Variants in XPO7 observed in about 807,000 individuals in gnomAD.
XPO7 encodes exportin-7.
In XPO7, 21 loss-of-function variants were observed where a neutral mutation model predicts 144.3. The ratio of observed to expected loss-of-function variants is 0.15; its 90% CI spans 0.10 to 0.21. The LOEUF (loss-of-function observed/expected upper bound fraction) is 0.21. XPO7 is among the 10% of genes least tolerant of loss of function. The probability of loss-of-function intolerance (pLI) is 1.00; values close to 1 mark genes in which losing one functional copy is unlikely to be tolerated. For missense variants in XPO7, 808 were observed against 1,325.8 expected (o/e 0.61, Z 6.06); for synonymous variants, 580 against 499.6 (o/e 1.16, Z -2.15).
At chr8:21,992,161 C>T (rs1585476763) in intron 19 of XPO7, among the ~76,000 whole-genome samples, 187 bp downstream of exon 19, 1 of 152,162 alleles carries the variant, frequency 6.6e-6, no homozygotes, top group South Asian at 2.1e-4. Context: ...AATGTATTTA[C>T]TTAAGTAGTT....
chr8:21,968,765 A>G (rs1811962362), intron 2 of XPO7, among the ~76,000 whole-genome samples: 1 of 152,192 alleles, frequency 6.6e-6, no homozygotes, highest in Admixed American at 6.5e-5. Context: ...GTTTTATGGC[A>G]TTGTATATAA....
intron 8 of XPO7, 81 bp downstream of exon 8, chr8:21,977,924 T>G (rs1265781991): frequency 8.0e-7 from 1 of 1,257,096 alleles, no homozygotes; most frequent in African/African-American, 1.5e-5. Flanking sequence ...TTCGTTTTGT[T>G]TTATAAAATT....
At chr8:21,933,304 G>A (rs925067417) in intron 1 of XPO7, among the ~76,000 whole-genome samples, 1 of 151,998 alleles carries the variant, frequency 6.6e-6, no homozygotes, top group East Asian at 1.9e-4. Context: ...GTTTCACCAT[G>A]TTAGCCAGGA....
At position 21,999,320 on chromosome 8, in the gene XPO7, G is replaced by T. The variant is rs192229514; in HGVS notation, c.2643+15G>T. The T allele has an allele frequency of 4.3e-6, 7 of 1,611,652 alleles. No individual in the cohort carries two copies. In the East Asian group the frequency reaches 1.6e-4, roughly 36 times the overall value. On this transcript the variant is annotated intron_variant, in intron 23 of 27. Coordinates refer to ENST00000252512, the MANE Select transcript of XPO7 (RefSeq NM_015024.5). ...GTGATCTCTTGGTAAGCCTTACGCT[G>T]CATTGCCACAATCTTGTTCCTCATC...
At chr8:21,935,525 T>C (rs1396665612) in intron 1 of XPO7, among the ~76,000 whole-genome samples, 1 of 152,218 alleles carries the variant, frequency 6.6e-6, no homozygotes, top group Non-Finnish European at 1.5e-5. Flanking sequence ...ACAGATAGTC[T>C]TAACTCATAT....
intron 1 of XPO7, among the ~76,000 whole-genome samples, chr8:21,947,550 C>T (rs969012000): frequency 6.6e-6 from 1 of 152,136 alleles, no homozygotes; most frequent in African/African-American, 2.4e-5. Flanking sequence ...CATAGACACA[C>T]ATCATACACA....
At position 21,954,043 on chromosome 8, in the gene XPO7, G is replaced by C. The variant is rs551600655; in HGVS notation, c.19-12814G>C. Among the ~76,000 whole-genome samples the C allele has an allele frequency of 6.6e-5, 10 of 152,276 alleles. No individual in the cohort carries two copies. The South Asian group carries it at 1.9e-3, about 28-fold the overall frequency. ...ACTAGTAACATATAGAAAGAAGAGG[G>C]GGACTGGGGAAGATAATTCTCTGGG... On this transcript the variant is annotated intron_variant, in intron 1 of 27. Transcript: ENST00000252512.
chr8:21,961,968 T>C (rs1811739699), intron 1 of XPO7, among the ~76,000 whole-genome samples: 2 of 152,222 alleles, frequency 1.3e-5, no homozygotes. Flanking sequence ...CTGCCTCATT[T>C]TAGTCATTCT....
intron 1 of XPO7, among the ~76,000 whole-genome samples, chr8:21,950,741 T>A (rs971061518): frequency 6.6e-6 from 1 of 152,098 alleles, no homozygotes; most frequent in Non-Finnish European, 1.5e-5. Flanking sequence ...TTCCTTGAAT[T>A]AATTTGTATA....
chr8:21,968,986 G>C (rs1298058883), intron 2 of XPO7, among the ~76,000 whole-genome samples: 1 of 152,190 alleles, frequency 6.6e-6, no homozygotes, highest in African/African-American at 2.4e-5. Flanking sequence ...ATTGATAGCT[G>C]CGCTGATGGA....
chr8:21,937,000 C>T (rs907079891), intron 1 of XPO7, among the ~76,000 whole-genome samples: 5 of 152,310 alleles, frequency 3.3e-5, no homozygotes, highest in African/African-American at 1.2e-4. Flanking sequence ...AAAACTCACT[C>T]TGCCATCAAC....
At chr8:21,957,295 G>C (rs1462937914) in intron 1 of XPO7, among the ~76,000 whole-genome samples, 1 of 152,088 alleles carries the variant, frequency 6.6e-6, no homozygotes, top group Non-Finnish European at 1.5e-5. Flanking sequence ...CAGTTACTGA[G>C]AGGCATACAG....
At chr8:21,965,174 GA>G (rs545276796) in intron 1 of XPO7, among the ~76,000 whole-genome samples, 4 of 151,620 alleles carry the variant, frequency 2.6e-5, no homozygotes, top group Non-Finnish European at 5.9e-5. Flanking sequence ...CATTTTGTAG[GA>G]GGGGGGAAAT....
intron 1 of XPO7, among the ~76,000 whole-genome samples, chr8:21,938,690 C>G (rs1303075302): frequency 6.6e-6 from 1 of 151,944 alleles, no homozygotes; most frequent in African/African-American, 2.4e-5. Context: ...AAACATGATG[C>G]AGTACTAGAT....
intron 1 of XPO7, among the ~76,000 whole-genome samples, chr8:21,952,839 T>C (rs1459368102): frequency 6.6e-6 from 1 of 152,240 alleles, no homozygotes; most frequent in East Asian, 1.9e-4. Context: ...TGTTTTAGTA[T>C]TAAATATTGG....
At chr8:22,001,974 G>A (rs11785657) in intron 24 of XPO7, 138 bp from the exon 25 acceptor site, 351,999 of 902,342 alleles carry the variant, frequency 0.39, 71,917 homozygotes, top group Non-Finnish European at 0.42. Context: ...GAGGTTAAGA[G>A]GTTAACAGGA....
Position 21,980,357 on chromosome 8 carries a change from T to G in XPO7, c.957+154T>G, listed in dbSNP as rs192533537. Reference sequence around the variant, plus strand: ...CTCTATTTGTAGGCCAATTCTGAGATTATTTGCCCAAAAGAGGAGCTTATA... The same window carrying G: ...CTCTATTTGTAGGCCAATTCTGAGAGTATTTGCCCAAAAGAGGAGCTTATA... On this transcript the variant is annotated intron_variant, in intron 9 of 27. Coordinates refer to ENST00000252512, the MANE Select transcript of XPO7 (RefSeq NM_015024.5). Among the ~76,000 whole-genome samples the G allele has an allele frequency of 4.6e-5, 7 of 152,294 alleles. No individual in the cohort carries two copies. In the East Asian group the frequency reaches 1.3e-3, roughly 29 times the overall value.
Position 21,962,290 on chromosome 8 carries a change from A to G in XPO7, c.19-4567A>G, listed in dbSNP as rs1247937893. ...ACGATTGCCTTTCATATAAATTTAT[A>G]AACAAGAAGAAACCTTGAATGTTCT... On this transcript the variant is annotated intron_variant, in intron 1 of 27. Coordinates refer to ENST00000252512, the MANE Select transcript of XPO7 (RefSeq NM_015024.5). Among the ~76,000 whole-genome samples, 5 of 152,250 alleles carry G rather than the reference A, an allele frequency of 3.3e-5. No individual in the cohort carries two copies. In the East Asian group the frequency reaches 9.6e-4, roughly 29 times the overall value.
chr8:21,992,090 C>G, intron 19 of XPO7, 116 bp downstream of exon 19: 1 of 672,748 alleles, frequency 1.5e-6, no homozygotes. Flanking sequence ...ATGTCTTGGA[C>G]TTCTAGGGTT....
Sources: gnomAD v4.1 joint callset for allele counts (sites outside exome capture counted in the v4.1 genomes callset) on GRCh38, gnomAD v4.1.1 for gene constraint, MANE v1.5 for transcripts, NCBI Gene and HGNC (gene_info 2026-07-23, HGNC 2026-07-21) for gene names.